The following NCAM1 variants were observed in gnomAD, a reference collection of about 807,000 sequenced individuals.
The protein encoded by NCAM1 is neural cell adhesion molecule 1, also known as antigen recognized by monoclonal antibody 5.1H11.
In NCAM1, 14 loss-of-function variants were observed where a neutral mutation model predicts 109.8. The observed-to-expected ratio is 0.13, with a 90% confidence interval of 0.08 to 0.20. The LOEUF (loss-of-function observed/expected upper bound fraction) is 0.20, where lower values mean the gene tolerates loss of function less well. NCAM1 is among the 10% of genes least tolerant of loss of function. NCAM1 has a pLI of 1.00. For missense variants in NCAM1, 774 were observed against 1,109.9 expected (o/e 0.70, Z 4.30); for synonymous variants, 418 against 442.9 (o/e 0.94, Z 0.70).
chr11:113,264,049 T>C, intron 17 of NCAM1: 1 of 985,396 alleles, frequency 1.0e-6, no homozygotes, highest in South Asian at 4.7e-5. Context: ...GTGTGTTTTG[T>C]TAAGGTCCCT....
rs537012365 is a variant in NCAM1, at chr11:112,984,034, T to G, written c.52+22370T>G. ...CTCCATAATTGCAACTTTGTACCCT[T>G]TGACCTACATCTTCCCATTAGCTCC... On this transcript the variant is annotated intron_variant, in intron 1 of 19. Transcript: ENST00000316851. Among the ~76,000 whole-genome samples, 4 of 151,988 alleles carry G rather than the reference T, an allele frequency of 2.6e-5. No individual in the cohort carries two copies. The South Asian group carries it at 8.3e-4, about 32-fold the overall frequency.
intron 16 of NCAM1, among the ~76,000 whole-genome samples, chr11:113,259,478 A>G (rs1945923834): frequency 6.6e-6 from 1 of 152,206 alleles, no homozygotes; most frequent in Non-Finnish European, 1.5e-5. Context: ...TTACTCTTCT[A>G]GGACATCCTT....
At chr11:113,059,326 C>T (rs563047272) in intron 1 of NCAM1, among the ~76,000 whole-genome samples, 8 of 152,262 alleles carry the variant, frequency 5.3e-5, no homozygotes, top group South Asian at 4.2e-4. Context: ...AACAAACAAC[C>T]GTGAGATTTA....
intron 1 of NCAM1, among the ~76,000 whole-genome samples, chr11:113,195,866 T>C (rs1246583768): frequency 6.6e-6 from 1 of 151,924 alleles, no homozygotes; most frequent in African/African-American, 2.4e-5. Flanking sequence ...CCCTGTTATC[T>C]CATTCTCATT....
At position 113,155,766 on chromosome 11, in the gene NCAM1, C is replaced by T. The variant is rs563002765; in HGVS notation, c.53-46613C>T. 5.9e-5 allele frequency among the ~76,000 whole-genome samples: 9 copies of T among 152,206 alleles called. No homozygotes were observed. In the South Asian group the frequency reaches 1.9e-3, roughly 32 times the overall value. On this transcript the variant is annotated intron_variant, in intron 1 of 19. Coordinates refer to ENST00000316851, the MANE Select transcript of NCAM1 (RefSeq NM_181351.5). ...CTTAGAGTCCTTTCCTGTTGACCAA[C>T]TCCTTCTTCATGCCCTCTGCTCCTT...
intron 1 of NCAM1, among the ~76,000 whole-genome samples, chr11:113,101,625 A>G (rs1939879462): frequency 6.6e-6 from 1 of 152,166 alleles, no homozygotes. Flanking sequence ...ATTTTCTACT[A>G]TCTCTTTATG....
chr11:113,204,028 G>A (rs539465257), intron 2 of NCAM1, among the ~76,000 whole-genome samples: 1 of 152,266 alleles, frequency 6.6e-6, no homozygotes, highest in South Asian at 2.1e-4. Flanking sequence ...TTAGGGATAG[G>A]ACCATGATAA....
chr11:113,047,161 A>G (rs1555080998), intron 1 of NCAM1, among the ~76,000 whole-genome samples: 1 of 152,150 alleles, frequency 6.6e-6, no homozygotes, highest in Non-Finnish European at 1.5e-5. Flanking sequence ...TAACTTTTTT[A>G]TTGTGCCACA....
intron 14 of NCAM1, chr11:113,235,429 C>T: frequency 2.8e-6 from 2 of 726,792 alleles, no homozygotes; most frequent in Non-Finnish European, 4.9e-6. Flanking sequence ...AAGGGGAAGG[C>T]ACCAACACAT....
At chr11:113,237,174 A>G (rs1322234781) in intron 14 of NCAM1, among the ~76,000 whole-genome samples, 4 of 152,142 alleles carry the variant, frequency 2.6e-5, no homozygotes, top group African/African-American at 9.7e-5. Context: ...GTTTGACCCC[A>G]TTAGCCTGCA....
intron 1 of NCAM1, among the ~76,000 whole-genome samples, chr11:113,151,995 C>CT (rs1351055198): frequency 1.3e-5 from 2 of 152,150 alleles, no homozygotes; most frequent in African/African-American, 4.8e-5. Flanking sequence ...TTGATCATCT[C>CT]TAAGTGCATA....
At chr11:113,113,141 T>C (rs983970123) in intron 1 of NCAM1, among the ~76,000 whole-genome samples, 1 of 152,008 alleles carries the variant, frequency 6.6e-6, no homozygotes, top group Non-Finnish European at 1.5e-5. Context: ...CTCAAAAAAA[T>C]TAAATAAAAT....
intron 1 of NCAM1, among the ~76,000 whole-genome samples, chr11:113,184,963 G>A (rs1565485291): frequency 6.6e-6 from 1 of 151,148 alleles, no homozygotes; most frequent in East Asian, 2.0e-4. Context: ...TACTAGTCTG[G>A]GTTCTCCAGA....
At chr11:113,145,156 T>G (rs1394767970) in intron 1 of NCAM1, among the ~76,000 whole-genome samples, 1 of 152,250 alleles carries the variant, frequency 6.6e-6, no homozygotes, top group Non-Finnish European at 1.5e-5. Flanking sequence ...ACTCTTTCCA[T>G]TTTACTGACC....
At chr11:113,084,590 G>T (rs1408455992) in intron 1 of NCAM1, among the ~76,000 whole-genome samples, 1 of 152,142 alleles carries the variant, frequency 6.6e-6, no homozygotes, top group Non-Finnish European at 1.5e-5. Context: ...CCGTGGATGG[G>T]TTCTTATGTA....
At position 113,235,145 on chromosome 11, in the gene NCAM1, G is replaced by A. The variant is rs1555118023; in HGVS notation, c.1806G>A (p.Glu602=). Residue 602 remains glutamate, a synonymous_variant, in exon 14 of 20, where the codon GAG becomes GAA. Transcript: ENST00000316851. ...KGLGEISAAS[E]FKTQPVQGEP... is the part of the protein sequence containing the mutation. ...TGGGTGAGATCAGCGCGGCCTCCGA[G>A]TTCAAGACGCAGCCAGTCCGTAAGT... 6.2e-7 allele frequency: 1 copy of A among 1,613,826 alleles called. No individual in the cohort carries two copies. The highest frequency in any genetic ancestry group is 8.5e-7 in the Non-Finnish European group (1 of 1,179,796).
chr11:113,165,554 G>T (rs1253698832), intron 1 of NCAM1, among the ~76,000 whole-genome samples: 2 of 152,150 alleles, frequency 1.3e-5, no homozygotes, highest in Non-Finnish European at 2.9e-5. Flanking sequence ...TGAGACATCT[G>T]GTCGTAGCTG....
At chr11:113,213,289 C>G (rs991513159) in intron 7 of NCAM1, among the ~76,000 whole-genome samples, 1 of 152,180 alleles carries the variant, frequency 6.6e-6, no homozygotes, top group Non-Finnish European at 1.5e-5. Context: ...TGAAATAAGT[C>G]ACATTTGTGC....
chr11:113,047,154 C>CT lies in NCAM1; in HGVS notation c.52+85496dup, dbSNP rs1953299381. On this transcript the variant is annotated intron_variant, in intron 1 of 19. Transcript: ENST00000316851. ...GTAAGGCTGGTAATACAGGAGCTAA[C>CT]TTTTTTATTGTGCCACATTTTTTTC... Among the ~76,000 whole-genome samples, 3 of 152,258 alleles carry CT rather than the reference C, an allele frequency of 2.0e-5. No homozygotes were observed. The South Asian group carries it at 6.2e-4, about 32-fold the overall frequency.
Sources: allele counts gnomAD v4.1 joint callset (sites outside exome capture counted in the v4.1 genomes callset), GRCh38; gene constraint gnomAD v4.1.1; transcripts MANE v1.5; gene names NCBI Gene and HGNC (gene_info 2026-07-23, HGNC 2026-07-21).